Variants in F13A1 observed in about 807,000 individuals in gnomAD.
F13A1 encodes the protein FSF, A subunit.
Under a neutral mutation model 80.1 loss-of-function variants are expected in F13A1, and 47 were observed. That is an observed-to-expected ratio of 0.59 (90% confidence interval 0.46 to 0.75). The LOEUF is 0.75. Ranked by LOEUF, F13A1 falls within the 30% of genes least tolerant of loss-of-function variation. The probability of loss-of-function intolerance (pLI) is 0.00; values close to 1 mark genes in which losing one functional copy is unlikely to be tolerated. For missense variants in F13A1, 817 were observed against 930.4 expected, an observed-to-expected ratio of 0.88 and a Z score of 1.59; for synonymous variants, 349 against 344.9, an observed-to-expected ratio of 1.01 and a Z score of -0.13.
intron 3 of F13A1, among the ~76,000 whole-genome samples, chr6:6,301,086 C>G (rs1465714074): frequency 6.6e-6 from 1 of 152,184 alleles, no homozygotes; most frequent in African/African-American, 2.4e-5. Context: ...ACGTTCTATA[C>G]TTGTCTCTTC....
chr6:6,255,556 A>G (rs903405157), intron 4 of F13A1, among the ~76,000 whole-genome samples: 3 of 152,150 alleles, frequency 2.0e-5, no homozygotes, highest in African/African-American at 7.2e-5. Flanking sequence ...GTGTACTGAA[A>G]GAATGAGAGA....
intron 3 of F13A1, among the ~76,000 whole-genome samples, chr6:6,288,884 C>T (rs552304229): frequency 1.9e-4 from 29 of 152,264 alleles, no homozygotes; most frequent in East Asian, 3.9e-4. Flanking sequence ...TTTTAATTTG[C>T]GTTTCCCTGA....
At chr6:6,278,879 C>G (rs764222053) in intron 3 of F13A1, among the ~76,000 whole-genome samples, 12 of 152,198 alleles carry the variant, frequency 7.9e-5, no homozygotes, top group Non-Finnish European at 1.6e-4. Flanking sequence ...GCTTTAAGTT[C>G]TTTTAAAAAA....
intron 13 of F13A1, among the ~76,000 whole-genome samples, chr6:6,165,428 G>A (rs1472886030): frequency 2.0e-5 from 3 of 152,192 alleles, no homozygotes; most frequent in African/African-American, 7.2e-5. Context: ...TTTATTATCA[G>A]TGGTGCAATT....
At chr6:6,301,019 G>A (rs1335002101) in intron 3 of F13A1, among the ~76,000 whole-genome samples, 1 of 152,014 alleles carries the variant, frequency 6.6e-6, no homozygotes, top group Non-Finnish European at 1.5e-5. Flanking sequence ...CTGAGTTTCT[G>A]GAAATTGAGG....
chr6:6,270,363 T>C (rs1233033434), intron 3 of F13A1, among the ~76,000 whole-genome samples: 1 of 152,238 alleles, frequency 6.6e-6, no homozygotes, highest in Non-Finnish European at 1.5e-5. Context: ...CAACCTTTAG[T>C]TTCCTTAAAG....
In F13A1 at chr6:6,266,640, A is replaced by G. The variant is rs1370603880; in HGVS notation, c.489T>C (p.Ala163=). The G allele has an allele frequency of 1.2e-6, 2 of 1,614,240 alleles. No homozygotes were observed. Among genetic ancestry groups the G allele is most frequent in the African/African-American group, 2.7e-5 (2 of 75,060 alleles). Residue 163 remains alanine, a synonymous_variant, in exon 4 of 15, where the codon GCT becomes GCC. Coordinates refer to ENST00000264870, the MANE Select transcript of F13A1 (RefSeq NM_000129.4). ...CIVGKFRMYV[A]VWTPYGVLRT... ...GAAGTACGCCATAGGGAGTCCAGAC[A>G]GCAACATACATGCGGAATTTCCCCA...
chr6:6,227,560 G>A (rs200320841), intron 6 of F13A1, among the ~76,000 whole-genome samples: 21 of 152,280 alleles, frequency 1.4e-4, no homozygotes, highest in East Asian at 3.9e-4. Context: ...ATCCATTATC[G>A]TGAAGATTGA....
At chr6:6,224,322 C>G (rs1212705895) in intron 7 of F13A1, among the ~76,000 whole-genome samples, 2 of 151,968 alleles carry the variant, frequency 1.3e-5, no homozygotes, top group Non-Finnish European at 2.9e-5. Flanking sequence ...CAATATATAT[C>G]TTTTGTTATT....
intron 12 of F13A1, among the ~76,000 whole-genome samples, chr6:6,171,122 T>A (rs999438774): frequency 6.6e-6 from 1 of 152,136 alleles, no homozygotes; most frequent in African/African-American, 2.4e-5. Flanking sequence ...GACAGGACAC[T>A]TGTGAGGTGG....
At chr6:6,249,553 G>C (rs1300683888) in intron 5 of F13A1, among the ~76,000 whole-genome samples, 1 of 152,198 alleles carries the variant, frequency 6.6e-6, no homozygotes, top group Non-Finnish European at 1.5e-5. Flanking sequence ...CTGTGCTCCA[G>C]GGTGCCTACC....
At chr6:6,240,315 T>G (rs1251469307) in intron 6 of F13A1, among the ~76,000 whole-genome samples, 1 of 152,188 alleles carries the variant, frequency 6.6e-6, no homozygotes, top group Non-Finnish European at 1.5e-5. Flanking sequence ...TTCATTACAC[T>G]GCTGGCTTTT....
chr6:6,167,566 C>T lies in F13A1; in HGVS notation c.1800G>A (p.Leu600=), dbSNP rs765171405. The T allele has an allele frequency of 2.5e-6, 4 of 1,613,858 alleles. No homozygotes were observed. Among genetic ancestry groups the T allele is most frequent in the African/African-American group, 2.7e-5 (2 of 74,872 alleles). ...CAAAGAAGTGCAGGGACGCTTGTTC[C>T]AGCAGCTGACCCATGTACTCGCCGG... ...IQAGEYMGQL[L]EQASLHFFVT... is the part of the protein sequence containing the mutation. Residue 600 remains leucine (L), a synonymous_variant, in exon 13 of 15, where the codon CTG becomes CTA. Transcript: ENST00000264870.
chr6:6,211,983 C>T (rs574442457), intron 8 of F13A1, among the ~76,000 whole-genome samples: 259 of 152,298 alleles, frequency 1.7e-3, no homozygotes, highest in African/African-American at 5.8e-3. Context: ...GCTTAAAAAA[C>T]GGCACACCAG....
chr6:6,253,508 C>G (rs1757663611), intron 4 of F13A1, among the ~76,000 whole-genome samples: 1 of 152,088 alleles, frequency 6.6e-6, no homozygotes, highest in African/African-American at 2.4e-5. Context: ...ATGAGAGGCA[C>G]CAGAGCAGAG....
At chr6:6,240,974 C>T (rs1757476640) in intron 6 of F13A1, among the ~76,000 whole-genome samples, 1 of 152,100 alleles carries the variant, frequency 6.6e-6, no homozygotes, top group Non-Finnish European at 1.5e-5. Context: ...TACAGTAACA[C>T]TCTTCATTAA....
intron 8 of F13A1, among the ~76,000 whole-genome samples, chr6:6,219,109 A>C (rs1023259698): frequency 6.6e-6 from 1 of 152,156 alleles, no homozygotes; most frequent in Admixed American, 6.5e-5. Context: ...CCCCAGCCAC[A>C]AACCAACCAG....
intron 3 of F13A1, among the ~76,000 whole-genome samples, chr6:6,290,422 G>T (rs1156451214): frequency 6.6e-6 from 1 of 152,164 alleles, no homozygotes; most frequent in Non-Finnish European, 1.5e-5. Flanking sequence ...AATGAGTTCT[G>T]CACCTTATTC....
At chr6:6,200,172 A>G (rs190040408) in intron 8 of F13A1, among the ~76,000 whole-genome samples, 25 of 152,160 alleles carry the variant, frequency 1.6e-4, no homozygotes, top group African/African-American at 5.8e-4. Flanking sequence ...GATGAAGCGG[A>G]GGAGGAGGTT....
Sources: allele counts gnomAD v4.1 joint callset (sites outside exome capture counted in the v4.1 genomes callset), GRCh38; gene constraint gnomAD v4.1.1; transcripts MANE v1.5; gene names NCBI Gene and HGNC (gene_info 2026-07-23, HGNC 2026-07-21).